FAF1: variants seen among roughly 807,000 people sequenced by gnomAD.
FAF1 encodes the protein Fas associated factor 1, also known as FAS-associated factor 1.
A neutral mutation model predicts 92.5 loss-of-function variants in FAF1; 25 were observed. That is an observed-to-expected ratio of 0.27 (90% CI 0.20 to 0.38). The LOEUF is 0.38. FAF1 is among the 10% of genes least tolerant of loss of function. The pLI is 1.00. For synonymous variants in FAF1, 234 were observed against 273.2 expected, an observed-to-expected ratio of 0.86 and a Z score of 1.42; for missense variants, 636 against 793.3, an observed-to-expected ratio of 0.80 and a Z score of 2.38.
chr1:50,819,776 TAC>T (rs1174104681), intron 2 of FAF1, among the ~76,000 whole-genome samples: 3 of 75,062 alleles, frequency 4.0e-5, no homozygotes, highest in African/African-American at 1.6e-4. Flanking sequence ...TATATATATA[TAC>T]ATATATATAC....
At chr1:50,459,262 C>T (rs1050006491) in intron 18 of FAF1, among the ~76,000 whole-genome samples, 5 of 152,096 alleles carry the variant, frequency 3.3e-5, no homozygotes, top group Non-Finnish European at 7.4e-5. Flanking sequence ...GTATGAGCCA[C>T]CATGCCTGGC....
At chr1:50,566,352 C>T (rs984074333) in intron 13 of FAF1, among the ~76,000 whole-genome samples, 1 of 152,038 alleles carries the variant, frequency 6.6e-6, no homozygotes, top group African/African-American at 2.4e-5. Context: ...TGTTCATGAA[C>T]CAGCAGCCTG....
chr1:50,697,257 C>T (rs1318324536), intron 7 of FAF1, among the ~76,000 whole-genome samples: 3 of 152,144 alleles, frequency 2.0e-5, no homozygotes, highest in African/African-American at 7.2e-5. Flanking sequence ...GTGCCTAATG[C>T]ATACAGGGAC....
chr1:50,456,291 T>C (rs1369842304), intron 18 of FAF1, among the ~76,000 whole-genome samples: 6 of 152,108 alleles, frequency 3.9e-5, no homozygotes, highest in South Asian at 2.1e-4. Flanking sequence ...GATGTCAAAA[T>C]GAGAGGCTGA....
At chr1:50,687,979 C>CA (rs1438307459) in intron 7 of FAF1, among the ~76,000 whole-genome samples, 2 of 150,856 alleles carry the variant, frequency 1.3e-5, no homozygotes, top group Non-Finnish European at 3.0e-5. Flanking sequence ...ACTAAAAATA[C>CA]AAAAAATTAG....
chr1:50,603,410 C>A (rs1652237784), intron 8 of FAF1, among the ~76,000 whole-genome samples: 1 of 152,164 alleles, frequency 6.6e-6, no homozygotes, highest in African/African-American at 2.4e-5. Context: ...TATTACATCA[C>A]ATTTCCAACG....
At chr1:50,849,872 A>G (rs916724061) in intron 2 of FAF1, among the ~76,000 whole-genome samples, 2 of 152,190 alleles carry the variant, frequency 1.3e-5, no homozygotes, top group African/African-American at 2.4e-5. Context: ...TTCCCCTGCT[A>G]TATCTATGAA....
chr1:50,635,169 A>G (rs1444255522), intron 8 of FAF1, among the ~76,000 whole-genome samples: 2 of 152,220 alleles, frequency 1.3e-5, no homozygotes, highest in Admixed American at 6.5e-5. Flanking sequence ...ACAGACATAC[A>G]AACCAAAGTA....
intron 6 of FAF1, among the ~76,000 whole-genome samples, chr1:50,709,523 C>A (rs1657827740): frequency 6.6e-6 from 1 of 152,142 alleles, no homozygotes; most frequent in Admixed American, 6.5e-5. Flanking sequence ...CCTGAGGTTT[C>A]ATTTTACTCA....
intron 1 of FAF1, among the ~76,000 whole-genome samples, chr1:50,871,770 G>GAT (rs1644529817): frequency 6.6e-6 from 1 of 152,262 alleles, no homozygotes; most frequent in South Asian, 2.1e-4. Flanking sequence ...ACACAACATC[G>GAT]ATTCTGTAGC....
At chr1:50,926,777 A>C (rs1645009369) in intron 1 of FAF1, among the ~76,000 whole-genome samples, 1 of 152,192 alleles carries the variant, frequency 6.6e-6, no homozygotes, top group African/African-American at 2.4e-5. Flanking sequence ...TGTACCCAAA[A>C]GACTTTTAAG....
At chr1:50,738,795 T>C in intron 6 of FAF1, 68 bp downstream of exon 6, 1 of 1,040,490 alleles carries the variant, frequency 9.6e-7, no homozygotes, top group South Asian at 1.4e-5. Context: ...GAGGTTTATA[T>C]ACAACTTAAA....
chr1:50,547,417 A>AT (rs34513367), intron 13 of FAF1, among the ~76,000 whole-genome samples: 17,434 of 146,080 alleles, frequency 0.12, 1,494 homozygotes, highest in African/African-American at 0.26. Context: ...AAGCCACGTA[A>AT]TTTTTTTTTT....
intron 17 of FAF1, among the ~76,000 whole-genome samples, chr1:50,477,698 C>A (rs17106235): frequency 3.3e-5 from 5 of 152,220 alleles, no homozygotes; most frequent in Admixed American, 3.3e-4. Context: ...TCAATTACAG[C>A]ATTCACTATT....
At chr1:50,605,687 G>A (rs1315549097) in intron 8 of FAF1, among the ~76,000 whole-genome samples, 2 of 152,082 alleles carry the variant, frequency 1.3e-5, no homozygotes, top group African/African-American at 4.8e-5. Context: ...CTGGTGGAGG[G>A]CAGAAGAGGG....
rs202143220 is a variant in FAF1, at chr1:50,567,140, G to A, written c.1205C>T (p.Ser402Phe). 6.2e-7 allele frequency: 1 copy of A among 1,610,178 alleles called. No individual in the cohort carries two copies. The highest frequency in any genetic ancestry group is 1.7e-5 in the Admixed American group (1 of 59,898). ...GGTTATAAAATTTTGACTCAGATAA[G>A]AAACAATGGATTCAGCACAAAGCAT... ...SQMLCAESIV[S>F]YLSQNFITWA... Residue 402 changes from serine to phenylalanine, a missense_variant, in exon 13 of 19, where the codon TCT becomes TTT. Ser to Phe is a radical substitution (Grantham distance 155). This residue lies in a region of FAF1 where 319 missense variants were observed against 451.0 expected (regional missense o/e 0.71). Transcript: ENST00000396153.
chr1:50,710,967 T>A (rs12751951), intron 6 of FAF1, among the ~76,000 whole-genome samples: 4,085 of 149,190 alleles, frequency 0.027, 123 homozygotes, highest in Admixed American at 0.11. Context: ...TGGAGTGCAG[T>A]GGCGCAATCT....
chr1:50,493,030 ACTT>A (rs1350561640), intron 15 of FAF1, among the ~76,000 whole-genome samples: 4 of 146,218 alleles, frequency 2.7e-5, no homozygotes, highest in South Asian at 2.1e-4. Flanking sequence ...AAAGGATTAA[ACTT>A]CTTTTTTTTT....
At chr1:50,942,751 T>G (rs900492338) in intron 1 of FAF1, among the ~76,000 whole-genome samples, 2 of 151,954 alleles carry the variant, frequency 1.3e-5, no homozygotes, top group Non-Finnish European at 2.9e-5. Context: ...GTCGTTGTTT[T>G]TTTTTTTTTT....
Sources: gnomAD v4.1 joint callset for allele counts (sites outside exome capture counted in the v4.1 genomes callset) on GRCh38, gnomAD v4.1.1 for gene constraint, gnomAD v4.1.1 regional missense constraint, MANE v1.5 for transcripts, NCBI Gene and HGNC (gene_info 2026-07-23, HGNC 2026-07-21) for gene names.